MAP3K13: variants seen among roughly 807,000 people sequenced by gnomAD.
MAP3K13 encodes leucine zipper-bearing kinase.
MAP3K13 carries 52 observed loss-of-function variants against 104.0 expected under a neutral mutation model. That is an observed-to-expected ratio of 0.50 (90% confidence interval 0.40 to 0.63). The LOEUF is 0.63. Among genes scored for constraint, MAP3K13 ranks in the 20% least tolerant of loss-of-function variants. MAP3K13 has a pLI of 0.00. For synonymous variants in MAP3K13, 394 were observed against 442.2 expected, an observed-to-expected ratio of 0.89 and a Z score of 1.37; for missense variants, 914 against 1,218.5, an observed-to-expected ratio of 0.75 and a Z score of 3.72.
chr3:185,284,843 T>G (rs983520855), intron 1 of MAP3K13, among the ~76,000 whole-genome samples: 3 of 152,100 alleles, frequency 2.0e-5, no homozygotes, highest in African/African-American at 7.2e-5. Flanking sequence ...TGGTTTTGGT[T>G]GTCAAATGGA....
chr3:185,458,809 T>C (rs771189037), intron 7 of MAP3K13, among the ~76,000 whole-genome samples: 3 of 152,218 alleles, frequency 2.0e-5, no homozygotes, highest in Non-Finnish European at 4.4e-5. Context: ...AACGCGGCAT[T>C]TGTTTTTCGT....
intron 2 of MAP3K13, among the ~76,000 whole-genome samples, chr3:185,342,135 C>A (rs564796024): frequency 6.6e-6 from 1 of 152,146 alleles, no homozygotes; most frequent in Non-Finnish European, 1.5e-5. Context: ...GTTCCTCCAG[C>A]CTTCAGGTGA....
intron 12 of MAP3K13, among the ~76,000 whole-genome samples, chr3:185,478,872 A>C (rs1718284716): frequency 6.9e-6 from 1 of 143,972 alleles, no homozygotes; most frequent in South Asian, 2.2e-4. Flanking sequence ...ACTCTGTCTC[A>C]AAAAAAAAAA....
At position 185,368,200 on chromosome 3, in the gene MAP3K13, T is replaced by C. The variant is rs555019813; in HGVS notation, c.-86+4832T>C. 5.3e-5 allele frequency among the ~76,000 whole-genome samples: 8 copies of C among 152,066 alleles called. No individual in the cohort carries two copies. In the South Asian group the frequency reaches 1.0e-3, roughly 20 times the overall value. On this transcript the variant is annotated intron_variant, in intron 1 of 13. Transcript: ENST00000265026. ...TAAATGTAATCTTTGTGATATGAAG[T>C]AGGTAGTAGTATTCCCACTGTACAG...
chr3:185,460,428 G>A (rs193011059), intron 7 of MAP3K13, among the ~76,000 whole-genome samples: 255 of 152,282 alleles, frequency 1.7e-3, no homozygotes, highest in African/African-American at 4.9e-3. Flanking sequence ...GTAGTGAAAC[G>A]ATGGGAAATG....
chr3:185,451,368 C>T lies in MAP3K13; in HGVS notation c.1251C>T (p.Thr417=). The T allele has an allele frequency of 6.2e-7, 1 of 1,613,434 alleles. No homozygotes were observed. The highest frequency in any genetic ancestry group is 8.5e-7 in the Non-Finnish European group (1 of 1,179,440). The change falls in exon 7 of 14, where the codon ACC becomes ACT. Residue 417 remains threonine, a synonymous_variant. Transcript: ENST00000265026. The stretch of plus-strand genomic sequence containing the variant: ...TTGCCTCTGCAGATGTACTTGCCAC[C>T]CCACAAGAAACTTACTTCAAGTCTC... ...LDIASADVLA[T]PQETYFKSQA...
chr3:185,343,459 T>A (rs1361029728), intron 2 of MAP3K13, among the ~76,000 whole-genome samples: 1 of 152,162 alleles, frequency 6.6e-6, no homozygotes, highest in Non-Finnish European at 1.5e-5. Flanking sequence ...TATGTTTATT[T>A]ATTTATTTAT....
rs1714234373 is a variant in MAP3K13, at chr3:185,423,234, C to G, written c.-85-5263C>G. ...CACTTGAACCATCTTGAAACCATCC[C>G]CCCTGCCTGGTCCGTGGAAGTAGTG... On this transcript the variant is annotated intron_variant, in intron 1 of 13. Coordinates refer to ENST00000265026, the MANE Select transcript of MAP3K13 (RefSeq NM_004721.5). This position sits in a 1 kb window ranked among gnomAD's most constrained non-coding sequence, Gnocchi z 4.1. Among the ~76,000 whole-genome samples, 1 of 152,166 alleles carries G rather than the reference C, an allele frequency of 6.6e-6. No homozygotes were observed. Among genetic ancestry groups the G allele is most frequent in the South Asian group, 2.1e-4 (1 of 4,828 alleles).
At chr3:185,308,545 A>G (rs1721384757) in intron 2 of MAP3K13, among the ~76,000 whole-genome samples, 1 of 152,156 alleles carries the variant, frequency 6.6e-6, no homozygotes, top group East Asian at 1.9e-4. Flanking sequence ...TCTCCCAATA[A>G]CACTGAGTTC....
intron 2 of MAP3K13, among the ~76,000 whole-genome samples, chr3:185,321,412 G>T (rs1467177769): frequency 1.3e-5 from 2 of 152,152 alleles, no homozygotes; most frequent in African/African-American, 4.8e-5. Flanking sequence ...TCAGCATGTA[G>T]CTAAGCTCTA....
At position 185,473,525 on chromosome 3, in the gene MAP3K13, T is replaced by G. The variant is rs1717933741; in HGVS notation, c.2194T>G (p.Cys732Gly). 1 of 1,614,134 alleles carries G rather than the reference T, an allele frequency of 6.2e-7. No homozygotes were observed. The highest frequency in any genetic ancestry group is 1.1e-5 in the South Asian group (1 of 91,084). The change falls in exon 11 of 14, where the codon TGC (cysteine) becomes GGC (glycine). Residue 732 changes from cysteine (C) to glycine (G), a missense_variant. By Grantham distance (159) the Cys-to-Gly change is radical. Coordinates refer to ENST00000265026, the MANE Select transcript of MAP3K13 (RefSeq NM_004721.5). The surrounding 1 kb of genome is among the most constrained non-coding windows in gnomAD (Gnocchi z 4.9). Reference sequence around the variant, plus strand: ...TTGCCAGGCTGACGCTTATGACCCCTGCCTTCAGTGCAGGCCAGAACAGTA... The same window carrying G: ...TTGCCAGGCTGACGCTTATGACCCCGGCCTTCAGTGCAGGCCAGAACAGTA... ...GCCQADAYDP[C>G]LQCRPEQYGS...
intron 1 of MAP3K13, among the ~76,000 whole-genome samples, chr3:185,379,011 G>A (rs756850150): frequency 3.9e-5 from 6 of 152,170 alleles, no homozygotes; most frequent in Non-Finnish European, 7.3e-5. Context: ...GGAATGAAGG[G>A]TGGAAGGTTG....
chr3:185,345,880 C>T (rs994777749), intron 2 of MAP3K13, among the ~76,000 whole-genome samples: 2 of 151,726 alleles, frequency 1.3e-5, no homozygotes, highest in Admixed American at 6.6e-5. Context: ...TTCATGAAAC[C>T]GGTCCCTGGT....
chr3:185,434,006 A>C (rs911460739), intron 2 of MAP3K13, among the ~76,000 whole-genome samples: 1 of 152,166 alleles, frequency 6.6e-6, no homozygotes, highest in Admixed American at 6.5e-5. Context: ...ATCTGTCCTC[A>C]TACCATACAC....
intron 10 of MAP3K13, among the ~76,000 whole-genome samples, chr3:185,468,332 A>G (rs1717579628): frequency 6.6e-6 from 1 of 152,198 alleles, no homozygotes; most frequent in Non-Finnish European, 1.5e-5. Context: ...GAAATCATCT[A>G]TCAAATCATA....
chr3:185,349,087 A>T (rs1389660934), intron 2 of MAP3K13, among the ~76,000 whole-genome samples: 1 of 152,080 alleles, frequency 6.6e-6, no homozygotes, highest in Non-Finnish European at 1.5e-5. Context: ...AGCTGTAAGC[A>T]TATGGTACTG....
At chr3:185,407,447 G>A (rs181292656) in intron 1 of MAP3K13, among the ~76,000 whole-genome samples, 16 of 152,264 alleles carry the variant, frequency 1.1e-4, no homozygotes, top group Admixed American at 9.2e-4. Context: ...AAAATAGAAC[G>A]TTATAACTAT....
At chr3:185,383,842 C>T (rs1711530085) in intron 1 of MAP3K13, among the ~76,000 whole-genome samples, 1 of 152,124 alleles carries the variant, frequency 6.6e-6, no homozygotes, top group Non-Finnish European at 1.5e-5. Flanking sequence ...ATAATAATTA[C>T]ACACTTATGG....
At chr3:185,451,214 ATAAAG>A in intron 6 of MAP3K13, 68 bp from the exon 7 acceptor site, 5 of 1,083,894 alleles carry the variant, frequency 4.6e-6, no homozygotes, top group African/African-American at 1.6e-5. Context: ...AATCTTCTTC[ATAAAG>A]TAAAATAAAA....
Sources: allele counts gnomAD v4.1 joint callset (sites outside exome capture counted in the v4.1 genomes callset), GRCh38; gene constraint gnomAD v4.1.1; non-coding constraint Gnocchi (gnomAD v3.1); transcripts MANE v1.5; gene names NCBI Gene and HGNC (gene_info 2026-07-23, HGNC 2026-07-21).